The following KCNH8 variants were observed in gnomAD, a reference collection of about 807,000 sequenced individuals.
KCNH8 encodes voltage-gated delayed rectifier potassium channel KCNH8.
In KCNH8, 70 loss-of-function variants were observed where a neutral mutation model predicts 103.6. The ratio of observed to expected loss-of-function variants is 0.68; its 90% CI spans 0.56 to 0.82. The LOEUF is 0.82. Among genes scored for constraint, KCNH8 ranks in the 40% least tolerant of loss-of-function variants. KCNH8 has a pLI of 0.00. For missense variants in KCNH8, 1,217 were observed against 1,329.9 expected (o/e 0.92, Z 1.32); for synonymous variants, 498 against 489.4 (o/e 1.02, Z -0.23).
At chr3:19,305,725 A>G (rs912133473) in intron 3 of KCNH8, among the ~76,000 whole-genome samples, 2 of 152,160 alleles carry the variant, frequency 1.3e-5, no homozygotes, top group Admixed American at 1.3e-4. Context: ...TTAACTCCAA[A>G]GAAAACAAAA....
intron 2 of KCNH8, among the ~76,000 whole-genome samples, chr3:19,270,763 A>C (rs1243271808): frequency 6.6e-6 from 1 of 152,168 alleles, no homozygotes; most frequent in Non-Finnish European, 1.5e-5. Context: ...TGTTGTCTGC[A>C]TATTCTTGGA....
intron 11 of KCNH8, among the ~76,000 whole-genome samples, chr3:19,503,780 G>T (rs369504161): frequency 6.7e-6 from 1 of 149,664 alleles, no homozygotes; most frequent in Non-Finnish European, 1.5e-5. Flanking sequence ...GACTATTGTG[G>T]GGTAGGGGGA....
intron 11 of KCNH8, among the ~76,000 whole-genome samples, chr3:19,509,859 A>G (rs2068753833): frequency 6.6e-6 from 1 of 152,204 alleles, no homozygotes; most frequent in East Asian, 1.9e-4. Context: ...GTTCAGGCAA[A>G]AAGAGAAGTG....
chr3:19,465,249 C>T (rs1315967957), intron 11 of KCNH8, among the ~76,000 whole-genome samples: 1 of 152,122 alleles, frequency 6.6e-6, no homozygotes, highest in Non-Finnish European at 1.5e-5. Flanking sequence ...GAGGCTAATG[C>T]TCATTTGTCA....
intron 2 of KCNH8, among the ~76,000 whole-genome samples, chr3:19,254,259 C>A (rs2064318156): frequency 6.6e-6 from 1 of 151,808 alleles, no homozygotes; most frequent in African/African-American, 2.4e-5. Flanking sequence ...AAATTTTATG[C>A]CTTTAAAGAA....
chr3:19,324,422 C>G (rs1450249053), intron 3 of KCNH8, among the ~76,000 whole-genome samples: 2 of 152,158 alleles, frequency 1.3e-5, no homozygotes, highest in African/African-American at 2.4e-5. Context: ...CTCATGAGAA[C>G]TCACTCACTA....
chr3:19,278,398 G>A (rs1437945795), intron 2 of KCNH8, among the ~76,000 whole-genome samples: 1 of 149,966 alleles, frequency 6.7e-6, no homozygotes, highest in Non-Finnish European at 1.5e-5. Flanking sequence ...AAAAAAGGAA[G>A]GAGGGAGGGA....
intron 1 of KCNH8, among the ~76,000 whole-genome samples, chr3:19,154,572 A>C (rs573856799): frequency 6.6e-6 from 1 of 152,308 alleles, no homozygotes; most frequent in East Asian, 1.9e-4. Flanking sequence ...TATCTCTTCT[A>C]ATAATGCTTT....
rs188755311 is a variant in KCNH8, at chr3:19,367,851, C to T, written c.811+19886C>T. ...ACTTGGGAAATCCTACAGGTTTTGG[C>T]GCTGGGCCCAGACCCTTGCAAACAC... is the stretch of plus-strand genomic sequence containing the variant. On this transcript the variant is annotated intron_variant, in intron 5 of 15. Transcript: ENST00000328405. 2.5e-4 allele frequency among the ~76,000 whole-genome samples: 38 copies of T among 152,100 alleles called. 1 individual carries two copies. The South Asian group carries it at 3.3e-3, about 13-fold the overall frequency.
intron 7 of KCNH8, among the ~76,000 whole-genome samples, chr3:19,427,887 G>T (rs6805870): frequency 0.068 from 10,292 of 152,204 alleles, 440 homozygotes; most frequent in Middle Eastern, 0.14. Flanking sequence ...CCTATTTGCA[G>T]GTGGAAGGAG....
At chr3:19,238,171 G>T (rs2064089124) in intron 1 of KCNH8, among the ~76,000 whole-genome samples, 1 of 152,094 alleles carries the variant, frequency 6.6e-6, no homozygotes, top group South Asian at 2.1e-4. Flanking sequence ...AGTTCTTTTG[G>T]TAACAGCGAG....
intron 7 of KCNH8, among the ~76,000 whole-genome samples, chr3:19,436,504 C>T (rs1372265435): frequency 6.6e-6 from 1 of 152,186 alleles, no homozygotes; most frequent in African/African-American, 2.4e-5. Flanking sequence ...AGCCAATCCT[C>T]GGATTTGTGG....
chr3:19,155,392 G>A (rs1231831310), intron 1 of KCNH8, among the ~76,000 whole-genome samples: 1 of 151,964 alleles, frequency 6.6e-6, no homozygotes, highest in Non-Finnish European at 1.5e-5. Flanking sequence ...TACAATTGCA[G>A]CCTTTCTCTA....
rs370522293 is a variant in KCNH8 at position 19,317,262 on chromosome 3, A to G, written c.443-25325A>G. 2.6e-5 allele frequency among the ~76,000 whole-genome samples: 4 copies of G among 152,048 alleles called. No homozygotes were observed. In the South Asian group the frequency reaches 6.2e-4, roughly 24 times the overall value. On this transcript the variant is annotated intron_variant, in intron 3 of 15. Coordinates refer to ENST00000328405, the MANE Select transcript of KCNH8 (RefSeq NM_144633.3). ...CTGCTACAAATTATTAAGGCTGACA[A>G]CGTTTTTAAATTAATTTTCACACTA...
intron 4 of KCNH8, 50 bp from the exon 5 acceptor site, chr3:19,347,675 G>A (rs1332777400): frequency 4.4e-6 from 7 of 1,600,510 alleles, no homozygotes; most frequent in South Asian, 1.1e-5. Flanking sequence ...TGTAATCCTT[G>A]TTTCTAATGT....
At chr3:19,312,367 G>A (rs2065218630) in intron 3 of KCNH8, among the ~76,000 whole-genome samples, 1 of 151,832 alleles carries the variant, frequency 6.6e-6, no homozygotes, top group Non-Finnish European at 1.5e-5. Context: ...CTGTGAAATA[G>A]TATACTATAG....
intron 7 of KCNH8, among the ~76,000 whole-genome samples, chr3:19,435,464 C>T (rs962532090): frequency 6.6e-6 from 1 of 152,146 alleles, no homozygotes; most frequent in Non-Finnish European, 1.5e-5. Context: ...GTACCATTTT[C>T]GCAGAGTATC....
intron 3 of KCNH8, among the ~76,000 whole-genome samples, chr3:19,330,302 C>T (rs2065488255): frequency 6.6e-6 from 1 of 152,122 alleles, no homozygotes; most frequent in Non-Finnish European, 1.5e-5. Flanking sequence ...TAAATGTCTT[C>T]CTTATATTCC....
At chr3:19,279,531 T>C (rs907900571) in intron 2 of KCNH8, among the ~76,000 whole-genome samples, 3 of 147,690 alleles carry the variant, frequency 2.0e-5, no homozygotes, top group Non-Finnish European at 4.5e-5. Context: ...ATGGCATAGA[T>C]ATTGGGGCAG....
Sources: gnomAD v4.1 joint callset for allele counts (sites outside exome capture counted in the v4.1 genomes callset) on GRCh38, gnomAD v4.1.1 for gene constraint, MANE v1.5 for transcripts, NCBI Gene and HGNC (gene_info 2026-07-23, HGNC 2026-07-21) for gene names.